Variants in MEGF11 observed in about 807,000 individuals in gnomAD.
MEGF11 encodes the protein multiple epidermal growth factor-like domains protein 11.
Under a neutral mutation model 146.6 loss-of-function variants are expected in MEGF11, and 126 were observed. The ratio of observed to expected loss-of-function variants is 0.86; its 90% confidence interval spans 0.74 to 1.00. MEGF11 has a LOEUF of 1.00. Ranked by LOEUF, MEGF11 falls within the 50% of genes least tolerant of loss-of-function variation. MEGF11 has a pLI of 0.00. For missense variants in MEGF11, 1,509 were observed against 1,521.2 expected (o/e 0.99, Z 0.13); for synonymous variants, 532 against 583.4 (o/e 0.91, Z 1.27).
At chr15:65,919,630 C>T (rs1444795159) in intron 15 of MEGF11, among the ~76,000 whole-genome samples, 1 of 152,194 alleles carries the variant, frequency 6.6e-6, no homozygotes, top group Non-Finnish European at 1.5e-5. Flanking sequence ...TTGCCACAAA[C>T]CTTTGGTTTT....
chr15:66,143,165 A>G (rs557625654), intron 1 of MEGF11, among the ~76,000 whole-genome samples: 1 of 152,368 alleles, frequency 6.6e-6, no homozygotes, highest in East Asian at 1.9e-4. Flanking sequence ...GAATCAGTGA[A>G]CAAGTTCCTG....
chr15:66,078,546 C>T (rs1339136170), intron 5 of MEGF11, among the ~76,000 whole-genome samples: 2 of 152,262 alleles, frequency 1.3e-5, no homozygotes, highest in African/African-American at 4.8e-5. Flanking sequence ...AGGCCCCTCT[C>T]TGCCCAGGAT....
intron 10 of MEGF11, among the ~76,000 whole-genome samples, chr15:65,940,379 G>A (rs1300477162): frequency 1.3e-5 from 2 of 152,214 alleles, no homozygotes; most frequent in African/African-American, 4.8e-5. Flanking sequence ...GCACTCTCCT[G>A]CCCACCCTTG....
Position 65,982,235 on chromosome 15 carries a change from GACTC to G in MEGF11, c.641+3_641+6del. 1.3e-6 allele frequency: 2 copies of G among 1,522,624 alleles called. No homozygotes were observed. The highest frequency in any genetic ancestry group is 1.8e-6 in the Non-Finnish European group (2 of 1,136,538). The allele number at this position is 1,522,624 out of a possible 1,614,324, so 94.3% of individuals were successfully genotyped here. On this transcript the variant is annotated splice_donor_5th_base_variant and intron_variant, in intron 6 of 25. Transcript: ENST00000395614. The surrounding 1 kb of genome is among the most constrained non-coding windows in gnomAD (Gnocchi z 5.6). ...CCCGCCCCTCCAGGTCCTGCCGCAT[GACTC>G]ACTAGACGCCGGTGTAGCCAGGTGC...
intron 13 of MEGF11, among the ~76,000 whole-genome samples, chr15:65,927,105 G>T (rs1025959468): frequency 1.3e-5 from 2 of 152,194 alleles, no homozygotes; most frequent in Non-Finnish European, 2.9e-5. Flanking sequence ...ATCACCTTGG[G>T]ACTGGCTAGT....
chr15:65,968,665 C>G (rs1040124130), intron 8 of MEGF11, among the ~76,000 whole-genome samples: 8 of 152,018 alleles, frequency 5.3e-5, no homozygotes, highest in African/African-American at 1.9e-4. Context: ...AATAATGGGG[C>G]CTGCGGAACA....
intron 5 of MEGF11, among the ~76,000 whole-genome samples, chr15:66,040,821 A>C (rs2083939545): frequency 6.6e-6 from 1 of 152,264 alleles, no homozygotes; most frequent in Non-Finnish European, 1.5e-5. Context: ...TATGTTGTGC[A>C]CTGCTCAAGG....
intron 5 of MEGF11, among the ~76,000 whole-genome samples, chr15:66,072,816 G>T (rs922548827): frequency 6.6e-6 from 1 of 152,178 alleles, no homozygotes; most frequent in African/African-American, 2.4e-5. Context: ...TGCCTGGCTC[G>T]CTCCAGCAGT....
chr15:65,913,634 G>A (rs1176646899), intron 20 of MEGF11, 103 bp downstream of exon 20: 8 of 992,824 alleles, frequency 8.1e-6, no homozygotes, highest in Middle Eastern at 2.1e-4. Flanking sequence ...GGGAGACTGA[G>A]CTTCCACATT....
chr15:66,086,814 A>C (rs1356250923), intron 5 of MEGF11, among the ~76,000 whole-genome samples: 1 of 152,256 alleles, frequency 6.6e-6, no homozygotes, highest in Non-Finnish European at 1.5e-5. Context: ...GGATGAATGC[A>C]ACGGTACCTC....
rs368369708 is a variant in MEGF11 at position 66,203,286 on chromosome 15, G to T, written c.-9+50319C>A. Among the ~76,000 whole-genome samples, 49 of 152,314 alleles carry T rather than the reference G, an allele frequency of 3.2e-4. 3 individuals carry two copies. In the East Asian group the frequency reaches 4.6e-3, roughly 14 times the overall value. On this transcript the variant is annotated intron_variant, in intron 1 of 25. Transcript: ENST00000395614. Reference sequence around the variant, plus strand: ...GGGCCCGCCTCACATGCAGGCTACCGTGTGGTTTTTACGGGCATGATAAAT... The same window carrying T: ...GGGCCCGCCTCACATGCAGGCTACCTTGTGGTTTTTACGGGCATGATAAAT...
intron 9 of MEGF11, among the ~76,000 whole-genome samples, chr15:65,962,073 G>A (rs2080876044): frequency 6.6e-6 from 1 of 152,162 alleles, no homozygotes; most frequent in Admixed American, 6.5e-5. Flanking sequence ...TTTGAGGGCA[G>A]GACTCAGAAG....
intron 1 of MEGF11, among the ~76,000 whole-genome samples, chr15:66,204,553 A>G (rs1424944654): frequency 6.6e-6 from 1 of 152,222 alleles, no homozygotes; most frequent in Admixed American, 6.5e-5. Context: ...CAAGGCCAGT[A>G]CAGGCCCGCC....
intron 8 of MEGF11, among the ~76,000 whole-genome samples, chr15:65,969,792 G>T (rs1195594196): frequency 6.6e-6 from 1 of 152,178 alleles, no homozygotes; most frequent in African/African-American, 2.4e-5. Flanking sequence ...CAGGCATGGG[G>T]TGTGGGGGCT....
intron 5 of MEGF11, among the ~76,000 whole-genome samples, chr15:65,989,439 C>G (rs927063058): frequency 6.6e-6 from 1 of 152,210 alleles, no homozygotes; most frequent in Admixed American, 6.5e-5. Context: ...GTCTGTGGCC[C>G]CCAATCTTCC....
In MEGF11 at chr15:66,214,128, C is replaced by A. The variant is rs138470529; in HGVS notation, c.-9+39477G>T. On this transcript the variant is annotated intron_variant, in intron 1 of 25. Transcript: ENST00000395614. Reference sequence around the variant, plus strand: ...TTGGCTCACTGCAACCTCTGCCTCCCGGGTTCAAGTGATTCTCTTGCCTCA... The same window carrying A: ...TTGGCTCACTGCAACCTCTGCCTCCAGGGTTCAAGTGATTCTCTTGCCTCA... Among the ~76,000 whole-genome samples the A allele has an allele frequency of 3.7e-3, 564 of 151,174 alleles. 4 individuals carry two copies. The highest frequency in any genetic ancestry group is 0.013 in the African/African-American group (530 of 41,110).
chr15:65,999,904 C>G (rs1274181202), intron 5 of MEGF11, among the ~76,000 whole-genome samples: 1 of 152,178 alleles, frequency 6.6e-6, no homozygotes, highest in South Asian at 2.1e-4. Context: ...AGGGGAGGCA[C>G]TTGGTTTGGG....
intron 5 of MEGF11, among the ~76,000 whole-genome samples, chr15:66,052,154 A>T (rs186266784): frequency 6.6e-6 from 1 of 152,228 alleles, no homozygotes; most frequent in South Asian, 2.1e-4. Flanking sequence ...GAGAGGCATT[A>T]GCCTTCTTAA....
At chr15:66,122,725 T>C (rs1255901874) in intron 3 of MEGF11, among the ~76,000 whole-genome samples, 1 of 152,218 alleles carries the variant, frequency 6.6e-6, no homozygotes, top group African/African-American at 2.4e-5. Context: ...ACTCCTGACC[T>C]CCGTGGACAC....
Sources: gnomAD v4.1 joint callset for allele counts (sites outside exome capture counted in the v4.1 genomes callset) on GRCh38, gnomAD v4.1.1 for gene constraint, Gnocchi (gnomAD v3.1) non-coding constraint, MANE v1.5 for transcripts, NCBI Gene and HGNC (gene_info 2026-07-23, HGNC 2026-07-21) for gene names.